MEF2A: variants seen among roughly 807,000 people sequenced by gnomAD.
MEF2A encodes myocyte enhancer factor 2A.
Under a neutral mutation model 55.8 loss-of-function variants are expected in MEF2A, and 28 were observed. The ratio of observed to expected loss-of-function variants is 0.50; its 90% confidence interval spans 0.37 to 0.69. The LOEUF is 0.69. Among genes scored for constraint, MEF2A ranks in the 30% least tolerant of loss-of-function variants. The pLI is 0.00. For missense variants in MEF2A, 528 were observed against 626.2 expected, an observed-to-expected ratio of 0.84 and a Z score of 1.67; for synonymous variants, 239 against 227.1, an observed-to-expected ratio of 1.05 and a Z score of -0.47.
At chr15:99,614,127 A>G (rs1298489939) in intron 2 of MEF2A, among the ~76,000 whole-genome samples, 1 of 152,246 alleles carries the variant, frequency 6.6e-6, no homozygotes, top group Non-Finnish European at 1.5e-5. Flanking sequence ...AACAGATGCC[A>G]TCTACCTCAC....
chr15:99,577,400 G>A (rs1964631880), intron 1 of MEF2A, among the ~76,000 whole-genome samples: 1 of 54,938 alleles, frequency 1.8e-5, no homozygotes, highest in Non-Finnish European at 6.4e-5. Context: ...ACTGGGCTAG[G>A]TGCTGCAAGG....
rs1477719094 is a variant in MEF2A at position 99,641,126 on chromosome 15, C to T, written c.55-4435C>T. Among the ~76,000 whole-genome samples, 7 of 152,136 alleles carry T rather than the reference C, an allele frequency of 4.6e-5. No homozygotes were observed. The East Asian group carries it at 1.3e-3, about 29-fold the overall frequency. On this transcript the variant is annotated intron_variant, in intron 3 of 11. Transcript: ENST00000557942. ...TCCGCAAAGAACTCTGATTGCAGCTCCACACAGAGCCCCCCAGGGAAGAGG... is the reference window on the plus strand; with the variant it reads ...TCCGCAAAGAACTCTGATTGCAGCTTCACACAGAGCCCCCCAGGGAAGAGG...
intron 1 of MEF2A, among the ~76,000 whole-genome samples, chr15:99,571,861 C>T (rs947013596): frequency 1.3e-5 from 2 of 152,150 alleles, no homozygotes; most frequent in Non-Finnish European, 2.9e-5. Flanking sequence ...AATCCATCCC[C>T]ACGTCCTGTT....
At position 99,588,583 on chromosome 15, in the gene MEF2A, G is replaced by C. The variant is rs1425318993; in HGVS notation, c.-224-9847G>C. On this transcript the variant is annotated intron_variant, in intron 1 of 11. Coordinates refer to ENST00000557942, the MANE Select transcript of MEF2A (RefSeq NM_001319206.4). ...ACCCTCCCAAAGTGCTAGGATTACA[G>C]GTGTGAGCCACTGCACCTGGCCTTA... 2.0e-5 allele frequency among the ~76,000 whole-genome samples: 3 copies of C among 151,710 alleles called. No individual in the cohort carries two copies. The East Asian group carries it at 5.8e-4, about 29-fold the overall frequency.
intron 3 of MEF2A, among the ~76,000 whole-genome samples, chr15:99,636,542 T>A (rs2043882257): frequency 6.6e-6 from 1 of 152,120 alleles, no homozygotes. Context: ...AGATGGTGTC[T>A]CGCCTAGACT....
At chr15:99,702,874 C>T (rs1434319129) in intron 8 of MEF2A, among the ~76,000 whole-genome samples, 63 of 152,214 alleles carry the variant, frequency 4.1e-4, no homozygotes, top group Non-Finnish European at 1.3e-4. Context: ...TTTATAACTG[C>T]TAGCTCCTGC....
At chr15:99,683,551 C>G (rs1021984137) in intron 7 of MEF2A, among the ~76,000 whole-genome samples, 7 of 151,982 alleles carry the variant, frequency 4.6e-5, no homozygotes, top group Non-Finnish European at 1.0e-4. Context: ...GGATTACAGA[C>G]ATGCACCACC....
In MEF2A at chr15:99,715,929, GAAC is replaced by G. The variant is rs1221573330; in HGVS notation, c.*3161_*3163del. ...ACTAAATCAGGGGTTTGTTCTACAA[GAAC>G]AATACATGTTTTACCCTTTCCTTTA... On this transcript the variant is annotated 3_prime_UTR_variant, in exon 12 of 12. Coordinates refer to ENST00000557942, the MANE Select transcript of MEF2A (RefSeq NM_001319206.4). The G allele has an allele frequency of 1.3e-5, 2 of 152,664 alleles. No individual in the cohort carries two copies. Among genetic ancestry groups the G allele is most frequent in the East Asian group, 3.9e-4 (2 of 5,188 alleles). The allele number at this position is 152,664 out of a possible 1,614,324, so 9.5% of individuals were successfully genotyped here. A position where few individuals can be genotyped will look rare whatever the true frequency, so the allele number is the denominator to read the frequency against.
At chr15:99,620,860 T>TC (rs1040294785) in intron 2 of MEF2A, 1 of 151,676 alleles carries the variant, frequency 6.6e-6, no homozygotes, top group Non-Finnish European at 1.5e-5. Flanking sequence ...TTTTTTTTTT[T>TC]TGGGACATTG....
chr15:99,643,613 A>G (rs1285941755), intron 3 of MEF2A, among the ~76,000 whole-genome samples: 1 of 142,394 alleles, frequency 7.0e-6, no homozygotes, highest in Non-Finnish European at 1.5e-5. Context: ...TTTTTTTGAG[A>G]TGGAGTCTCG....
chr15:99,579,639 A>G (rs1275012858), intron 1 of MEF2A, among the ~76,000 whole-genome samples: 1 of 152,108 alleles, frequency 6.6e-6, no homozygotes, highest in East Asian at 1.9e-4. Context: ...CAAGTGATCC[A>G]CTTGCCTCAA....
intron 9 of MEF2A, among the ~76,000 whole-genome samples, chr15:99,705,066 C>A (rs2057864871): frequency 6.6e-6 from 1 of 152,224 alleles, no homozygotes; most frequent in African/African-American, 2.4e-5. Flanking sequence ...GAAGCACAGT[C>A]CGTTACAACT....
intron 5 of MEF2A, among the ~76,000 whole-genome samples, chr15:99,672,127 T>C (rs973145853): frequency 4.6e-5 from 7 of 152,364 alleles, no homozygotes; most frequent in Admixed American, 4.6e-4. Context: ...CTTGTTTTTT[T>C]CCTAAATTAT....
chr15:99,628,444 C>T (rs563051106), intron 2 of MEF2A, among the ~76,000 whole-genome samples: 1 of 152,222 alleles, frequency 6.6e-6, no homozygotes, highest in African/African-American at 2.4e-5. Flanking sequence ...AATGTAATTA[C>T]TTACATATTT....
chr15:99,625,528 A>G (rs190774513), intron 2 of MEF2A, among the ~76,000 whole-genome samples: 6 of 152,232 alleles, frequency 3.9e-5, no homozygotes, highest in African/African-American at 1.2e-4. Flanking sequence ...AGAAGTGGTG[A>G]AAGTGGTCAT....
chr15:99,607,783 G>A (rs1369251503), intron 2 of MEF2A, among the ~76,000 whole-genome samples: 1 of 152,110 alleles, frequency 6.6e-6, no homozygotes, highest in Admixed American at 6.5e-5. Context: ...CTTTATGTTG[G>A]TGTAATTAAT....
intron 2 of MEF2A, among the ~76,000 whole-genome samples, chr15:99,616,555 A>T (rs2040217170): frequency 6.6e-6 from 1 of 152,234 alleles, no homozygotes; most frequent in East Asian, 1.9e-4. Flanking sequence ...CCTACTAAAA[A>T]TTAATAAGAG....
rs966199515 is a variant in MEF2A, at chr15:99,690,315, A to G, written c.745A>G (p.Met249Val). The change falls in exon 8 of 12, where the codon ATG becomes GTG. Residue 249 changes from methionine (M) to valine (V), a missense_variant. Physicochemically the swap from Met to Val is conservative, Grantham distance 21 (BLOSUM62 1). Transcript: ENST00000557942. ...TGGTGCAAATAGCTTAGGCAAAGTC[A>G]TGCCTACAAAGTCTCCCCCTCCACC... is the stretch of plus-strand genomic sequence containing the variant. Reference protein sequence around the residue: ...ATGANSLGKVMPTKSPPPPGG... With the variant: ...ATGANSLGKVVPTKSPPPPGG... The G allele has an allele frequency of 2.5e-6, 4 of 1,613,666 alleles. No homozygotes were observed. The Admixed American group carries it at 5.0e-5, about 20-fold the overall frequency.
chr15:99,632,923 T>TA (rs2043172343), intron 2 of MEF2A, 55 bp from the exon 3 acceptor site: 2 of 482,110 alleles, frequency 4.1e-6, no homozygotes, highest in East Asian at 7.2e-5. Context: ...GTATAACACT[T>TA]ACATGATTTG....
Sources: gnomAD v4.1 joint callset for allele counts (sites outside exome capture counted in the v4.1 genomes callset) on GRCh38, gnomAD v4.1.1 for gene constraint, MANE v1.5 for transcripts, NCBI Gene and HGNC (gene_info 2026-07-23, HGNC 2026-07-21) for gene names.